Variants in SLC9A2 observed in about 807,000 individuals in gnomAD.
The protein encoded by SLC9A2 is sodium/hydrogen exchanger 2.
SLC9A2 carries 42 observed loss-of-function variants against 71.7 expected under a neutral mutation model. The observed-to-expected ratio is 0.59, with a 90% CI of 0.46 to 0.76. The LOEUF (loss-of-function observed/expected upper bound fraction) is 0.76. Among genes scored for constraint, SLC9A2 ranks in the 30% least tolerant of loss-of-function variants. The pLI, the probability that SLC9A2 is intolerant of heterozygous loss-of-function variation, is 0.00. For synonymous variants in SLC9A2, 396 were observed against 392.5 expected, an observed-to-expected ratio of 1.01 and a Z score of -0.10; for missense variants, 829 against 1,017.4, an observed-to-expected ratio of 0.81 and a Z score of 2.52.
intron 3 of SLC9A2, among the ~76,000 whole-genome samples, chr2:102,673,203 G>T (rs1447921942): frequency 6.6e-6 from 1 of 151,870 alleles, no homozygotes; most frequent in Non-Finnish European, 1.5e-5. Context: ...TAATATACTG[G>T]GTACTCAATG....
rs1676594960 is a variant in SLC9A2 at position 102,642,123 on chromosome 2, C to T, written c.290-15441C>T. Among the ~76,000 whole-genome samples the T allele has an allele frequency of 1.3e-5, 2 of 151,992 alleles. 1 individual carries two copies. Among genetic ancestry groups the T allele is most frequent in the South Asian group, 4.2e-4 (2 of 4,802 alleles). On this transcript the variant is annotated intron_variant, in intron 1 of 11. Transcript: ENST00000233969. ...ATAAGCAGTAACATAAGTTATTTAT[C>T]AATTTCTAGGAAGGAAGAATCCTTG...
chr2:102,664,445 GCACACACACA>G (rs58155284), intron 2 of SLC9A2, among the ~76,000 whole-genome samples: 2 of 147,860 alleles, frequency 1.4e-5, no homozygotes, highest in East Asian at 2.0e-4. Context: ...TTCAGCAGAT[GCACACACACA>G]CACACACACA....
At position 102,688,390 on chromosome 2, in the gene SLC9A2, G is replaced by A. The variant is rs142219906; in HGVS notation, c.1425+4054G>A. ...GTATAGAGTATGACACCTGACACAGGGTTTTTGCCTCACGAGTTGCCATGT... is the reference window on the plus strand; with the variant it reads ...GTATAGAGTATGACACCTGACACAGAGTTTTTGCCTCACGAGTTGCCATGT... On this transcript the variant is annotated intron_variant, in intron 5 of 11. Transcript: ENST00000233969. Among the ~76,000 whole-genome samples, 5 of 152,224 alleles carry A rather than the reference G, an allele frequency of 3.3e-5. No individual in the cohort carries two copies. In the East Asian group the frequency reaches 9.7e-4, roughly 29 times the overall value.
At position 102,684,318 on chromosome 2, in the gene SLC9A2, C is replaced by T. The variant is rs762142012; in HGVS notation, c.1407C>T (p.Phe469=). The part of the protein sequence containing the change: ...LFITAAIVVI[F]FTVFILGITI... ...TTACGGCTGCCATTGTTGTCATATT[C>T]TTTACTGTCTTCATTCTGGTAAGTA... Residue 469 remains phenylalanine, a synonymous_variant, in exon 5 of 12, where the codon TTC becomes TTT. Transcript: ENST00000233969. The T allele has an allele frequency of 5.6e-6, 9 of 1,613,832 alleles. No homozygotes were observed. In the East Asian group the frequency reaches 1.8e-4, roughly 32 times the overall value.
At chr2:102,656,794 C>A (rs1477561804) in intron 1 of SLC9A2, among the ~76,000 whole-genome samples, 1 of 152,122 alleles carries the variant, frequency 6.6e-6, no homozygotes, top group Non-Finnish European at 1.5e-5. Context: ...GCTTCAATTC[C>A]CGCTTAAATT....
intron 1 of SLC9A2, among the ~76,000 whole-genome samples, chr2:102,650,773 AG>A (rs1363647889): frequency 6.6e-6 from 1 of 152,222 alleles, no homozygotes; most frequent in South Asian, 2.1e-4. Context: ...GGGGTTAATA[AG>A]AACATATGGC....
At chr2:102,680,108 A>G (rs1346149055) in intron 3 of SLC9A2, among the ~76,000 whole-genome samples, 1 of 152,230 alleles carries the variant, frequency 6.6e-6, no homozygotes, top group African/African-American at 2.4e-5. Context: ...GAATTAAAAA[A>G]TATATGTCCA....
At chr2:102,635,741 T>C (rs2104504243) in intron 1 of SLC9A2, among the ~76,000 whole-genome samples, 1 of 152,354 alleles carries the variant, frequency 6.6e-6, no homozygotes, top group East Asian at 1.9e-4. Context: ...TATTTTGTTT[T>C]GTTTTGTGTT....
chr2:102,645,730 A>G (rs944371447), intron 1 of SLC9A2, among the ~76,000 whole-genome samples: 1 of 152,114 alleles, frequency 6.6e-6, no homozygotes, highest in African/African-American at 2.4e-5. Flanking sequence ...TAATGAAATA[A>G]AGCCTAAAGA....
At chr2:102,638,631 C>T (rs958335587) in intron 1 of SLC9A2, among the ~76,000 whole-genome samples, 3 of 152,214 alleles carry the variant, frequency 2.0e-5, no homozygotes, top group African/African-American at 7.2e-5. Flanking sequence ...TCCTTATGCT[C>T]ACTAAAGAGA....
At chr2:102,635,660 CTG>C (rs948948788) in intron 1 of SLC9A2, among the ~76,000 whole-genome samples, 18 of 152,210 alleles carry the variant, frequency 1.2e-4, no homozygotes, top group African/African-American at 4.3e-4. Flanking sequence ...CCAAGTAACA[CTG>C]TTTTATATTT....
At chr2:102,654,013 T>C (rs1558708518) in intron 1 of SLC9A2, among the ~76,000 whole-genome samples, 1 of 152,102 alleles carries the variant, frequency 6.6e-6, no homozygotes, top group East Asian at 1.9e-4. Flanking sequence ...GGCCTGGGCA[T>C]GTTAGGAACC....
At chr2:102,665,976 A>T (rs1267612309) in intron 3 of SLC9A2, among the ~76,000 whole-genome samples, 5 of 152,002 alleles carry the variant, frequency 3.3e-5, no homozygotes, top group Non-Finnish European at 5.9e-5. Context: ...TACGAGCTTG[A>T]TGCCCAATCA....
intron 1 of SLC9A2, among the ~76,000 whole-genome samples, chr2:102,629,633 T>C (rs1375522801): frequency 1.3e-5 from 2 of 152,144 alleles, no homozygotes; most frequent in African/African-American, 4.8e-5. Flanking sequence ...ATCCTAATCT[T>C]TCTTTCTTGC....
chr2:102,695,229 T>C, intron 7 of SLC9A2, 116 bp downstream of exon 7: 1 of 710,648 alleles, frequency 1.4e-6, no homozygotes, highest in Non-Finnish European at 2.4e-6. Context: ...TACCATAGTA[T>C]GTCCTCTAAG....
intron 1 of SLC9A2, among the ~76,000 whole-genome samples, chr2:102,649,252 G>GGGAAAACTGGCTAGCCATATGT (rs1676786825): frequency 1.3e-5 from 2 of 152,260 alleles, no homozygotes; most frequent in South Asian, 4.1e-4. Flanking sequence ...AAACGGTGCT[G>GGGAAAACTGGCTAGCCATATGT]GGAAAACTGG....
At chr2:102,630,542 T>C (rs1676337031) in intron 1 of SLC9A2, among the ~76,000 whole-genome samples, 1 of 152,068 alleles carries the variant, frequency 6.6e-6, no homozygotes, top group Admixed American at 6.6e-5. Flanking sequence ...AGATTTACTT[T>C]ATTTTTCTTG....
chr2:102,677,748 G>T (rs2104535242), intron 3 of SLC9A2, among the ~76,000 whole-genome samples: 1 of 152,258 alleles, frequency 6.6e-6, no homozygotes, highest in African/African-American at 2.4e-5. Context: ...CATCCAGTTT[G>T]GTTGGGGAGA....
intron 5 of SLC9A2, among the ~76,000 whole-genome samples, chr2:102,685,206 C>A (rs1200564853): frequency 1.3e-5 from 2 of 152,170 alleles, no homozygotes; most frequent in African/African-American, 4.8e-5. Context: ...GGCAAATGGG[C>A]TGAGGGATCA....
Sources: allele counts gnomAD v4.1 joint callset (sites outside exome capture counted in the v4.1 genomes callset), GRCh38; gene constraint gnomAD v4.1.1; transcripts MANE v1.5; gene names NCBI Gene and HGNC (gene_info 2026-07-23, HGNC 2026-07-21).